Variants in RFTN1 observed in about 807,000 individuals in gnomAD.
The protein encoded by RFTN1 is raftlin, lipid raft linker 1.
In RFTN1, 26 loss-of-function variants were observed where a neutral mutation model predicts 46.5. That is an observed-to-expected ratio of 0.56 (90% CI 0.41 to 0.78). RFTN1 has a LOEUF of 0.78. Ranked by LOEUF, RFTN1 falls within the 30% of genes least tolerant of loss-of-function variation. RFTN1 has a pLI of 0.00. For synonymous variants in RFTN1, 261 were observed against 284.2 expected (o/e 0.92, Z 0.82); for missense variants, 693 against 718.7 (o/e 0.96, Z 0.41).
chr3:16,339,390 C>G (rs1280555832), intron 7 of RFTN1: 2 of 152,220 alleles, frequency 1.3e-5, no homozygotes, highest in Non-Finnish European at 2.9e-5. Context: ...TCTGAGGTGC[C>G]AGAAACCTCC....
rs768810884 is a variant in RFTN1, at chr3:16,385,214, C to T, written c.442-7112G>A. Among the ~76,000 whole-genome samples the T allele has an allele frequency of 2.6e-5, 4 of 152,178 alleles. No homozygotes were observed. The highest frequency in any genetic ancestry group is 5.9e-5 in the Non-Finnish European group (4 of 68,026). ...TACAGTGAATATTTTATCAGACACA[C>T]ACAACCCTTCCCATCTTGTCACCTA... is the stretch of plus-strand genomic sequence containing the variant. On this transcript the variant is annotated intron_variant, in intron 4 of 9. Coordinates refer to ENST00000334133, the MANE Select transcript of RFTN1 (RefSeq NM_015150.2). This position sits in a 1 kb window ranked among gnomAD's most constrained non-coding sequence, Gnocchi z 5.0.
Position 16,418,097 on chromosome 3 carries a change from C to G in RFTN1, c.333-8614G>C, listed in dbSNP as rs574138734. On this transcript the variant is annotated intron_variant, in intron 3 of 9. Transcript: ENST00000334133. The surrounding 1 kb of genome is among the most constrained non-coding windows in gnomAD (Gnocchi z 5.0). ...AGACATTAAAATAGCATTGTTGTAA[C>G]AAGTACTGCTAACACTTATGAGTGC... Among the ~76,000 whole-genome samples the G allele has an allele frequency of 6.6e-6, 1 of 152,318 alleles. No individual in the cohort carries two copies. Among genetic ancestry groups the G allele is most frequent in the East Asian group, 1.9e-4 (1 of 5,192 alleles).
chr3:16,339,487 C>T (rs999842001), intron 7 of RFTN1: 1 of 152,290 alleles, frequency 6.6e-6, no homozygotes, highest in African/African-American at 2.4e-5. Flanking sequence ...ACCTCCCATT[C>T]TATCTGGCTC....
intron 2 of RFTN1, among the ~76,000 whole-genome samples, chr3:16,453,143 G>C (rs2075848119): frequency 6.6e-6 from 1 of 152,196 alleles, no homozygotes; most frequent in East Asian, 1.9e-4. Flanking sequence ...CTCTGGACCA[G>C]AGAAGTTGAG....
At chr3:16,406,138 G>A (rs1057299066) in intron 4 of RFTN1, among the ~76,000 whole-genome samples, 2 of 152,218 alleles carry the variant, frequency 1.3e-5, no homozygotes, top group African/African-American at 4.8e-5. Flanking sequence ...TCAGCCATCA[G>A]TTGGAATAGC....
chr3:16,443,357 G>T lies in RFTN1; in HGVS notation c.146-9320C>A, dbSNP rs555680901. 1.5e-4 allele frequency among the ~76,000 whole-genome samples: 23 copies of T among 152,134 alleles called. No individual in the cohort carries two copies. Among genetic ancestry groups the T allele is most frequent in the African/African-American group, 4.8e-4 (20 of 41,506 alleles). On this transcript the variant is annotated intron_variant, in intron 2 of 9. Coordinates refer to ENST00000334133, the MANE Select transcript of RFTN1 (RefSeq NM_015150.2). This position sits in a 1 kb window ranked among gnomAD's most constrained non-coding sequence, Gnocchi z 5.5. ...AATAAGCATTCTTTCATATATGTGT[G>T]GGCCACTTTTATATCTCCTTGGGAG...
In RFTN1 at chr3:16,485,981, C is replaced by T. The variant is rs115724685; in HGVS notation, c.145+7744G>A. On this transcript the variant is annotated intron_variant, in intron 2 of 9. Coordinates refer to ENST00000334133, the MANE Select transcript of RFTN1 (RefSeq NM_015150.2). ...AGAAAAATACCTTCCTTTCAACTTT[C>T]GGGGCTACTTGAATCATCAAGTGAG... 8.2e-3 allele frequency among the ~76,000 whole-genome samples: 1,255 copies of T among 152,264 alleles called. 15 individuals carry two copies. The highest frequency in any genetic ancestry group is 0.028 in the African/African-American group (1,164 of 41,536).
At position 16,498,320 on chromosome 3, in the gene RFTN1, G is replaced by C. The variant is rs994387470; in HGVS notation, c.-8-4443C>G. On this transcript the variant is annotated intron_variant, in intron 1 of 9. Transcript: ENST00000334133. The surrounding 1 kb of genome is among the most constrained non-coding windows in gnomAD (Gnocchi z 5.2). ...CAGAATGCAGTCAATCACAGGCAGT[G>C]AATTAATGTAACCAAGCCAGCTGTC... is the stretch of plus-strand genomic sequence containing the variant. Among the ~76,000 whole-genome samples the C allele has an allele frequency of 6.6e-6, 1 of 152,174 alleles. No individual in the cohort carries two copies. Among genetic ancestry groups the C allele is most frequent in the Non-Finnish European group, 1.5e-5 (1 of 68,024 alleles).
rs1279504533 is a variant in RFTN1, at chr3:16,377,803, T to C, written c.741A>G (p.Gly247=). Residue 247 remains glycine, a synonymous_variant, in exon 5 of 10, where the codon GGA becomes GGG. Transcript: ENST00000334133. ...PSSPSGEGDG[G]ELSPQGVSKT... ...TGCTCACCCCCTGTGGTGAAAGTTCTCCACCATCTCCCTCTCCGGAGGGTG... is the reference window on the plus strand; with the variant it reads ...TGCTCACCCCCTGTGGTGAAAGTTCCCCACCATCTCCCTCTCCGGAGGGTG... The C allele has an allele frequency of 1.9e-6, 3 of 1,614,216 alleles. No homozygotes were observed. Among genetic ancestry groups the C allele is most frequent in the Non-Finnish European group, 2.5e-6 (3 of 1,180,028 alleles).
In RFTN1 at chr3:16,475,660, A is replaced by G. The variant is rs759546614; in HGVS notation, c.145+18065T>C. 6.6e-6 allele frequency among the ~76,000 whole-genome samples: 1 copy of G among 152,172 alleles called. No homozygotes were observed. Among genetic ancestry groups the G allele is most frequent in the Non-Finnish European group, 1.5e-5 (1 of 68,028 alleles). On this transcript the variant is annotated intron_variant, in intron 2 of 9. Transcript: ENST00000334133. This position sits in a 1 kb window ranked among gnomAD's most constrained non-coding sequence, Gnocchi z 4.2. ...CTTCCATGTCCAAGAGTAAAAATCA[A>G]TGGAAAACTAAAGCAACTAACAGAC...
At chr3:16,375,755 C>G (rs2073744593) in intron 5 of RFTN1, among the ~76,000 whole-genome samples, 1 of 152,186 alleles carries the variant, frequency 6.6e-6, no homozygotes, top group Non-Finnish European at 1.5e-5. Flanking sequence ...CCGTGCAGAG[C>G]TGAAATTCTC....
At chr3:16,324,005 G>A (rs2069385771) in intron 8 of RFTN1, among the ~76,000 whole-genome samples, 1 of 152,196 alleles carries the variant, frequency 6.6e-6, no homozygotes, top group Non-Finnish European at 1.5e-5. Context: ...GCGAGGGAGG[G>A]GCGACTCGTA....
rs2076798802 is a variant in RFTN1 at position 16,506,004 on chromosome 3, T to G, written c.-9+7438A>C. Among the ~76,000 whole-genome samples, 1 of 152,134 alleles carries G rather than the reference T, an allele frequency of 6.6e-6. No individual in the cohort carries two copies. The highest frequency in any genetic ancestry group is 1.5e-5 in the Non-Finnish European group (1 of 68,032). On this transcript the variant is annotated intron_variant, in intron 1 of 9. Coordinates refer to ENST00000334133, the MANE Select transcript of RFTN1 (RefSeq NM_015150.2). This position sits in a 1 kb window ranked among gnomAD's most constrained non-coding sequence, Gnocchi z 4.8. Reference sequence around the variant, plus strand: ...CACGCCTGCCCTCATGGACCTTACCTTCAGAAGCCGAGAAACAGGCAATAG... The same window carrying G: ...CACGCCTGCCCTCATGGACCTTACCGTCAGAAGCCGAGAAACAGGCAATAG...
rs2075793765 is a variant in RFTN1, at chr3:16,449,773, A to T, written c.146-15736T>A. On this transcript the variant is annotated intron_variant, in intron 2 of 9. Coordinates refer to ENST00000334133, the MANE Select transcript of RFTN1 (RefSeq NM_015150.2). The surrounding 1 kb of genome is among the most constrained non-coding windows in gnomAD (Gnocchi z 5.1). ...CAGAAAAATCAACGAGACAAAAGCC[A>T]TGCTGACAGACTGCTGCCTCTGATT... Among the ~76,000 whole-genome samples the T allele has an allele frequency of 6.6e-6, 1 of 152,238 alleles. No individual in the cohort carries two copies. Among genetic ancestry groups the T allele is most frequent in the Non-Finnish European group, 1.5e-5 (1 of 68,044 alleles).
rs1178394091 is a variant in RFTN1, at chr3:16,341,745, T to A, written c.1147-14869A>T. Among the ~76,000 whole-genome samples the A allele has an allele frequency of 2.0e-5, 3 of 152,214 alleles. No individual in the cohort carries two copies. Among genetic ancestry groups the A allele is most frequent in the Non-Finnish European group, 4.4e-5 (3 of 68,026 alleles). On this transcript the variant is annotated intron_variant, in intron 7 of 9. Transcript: ENST00000334133. This position sits in a 1 kb window ranked among gnomAD's most constrained non-coding sequence, Gnocchi z 4.7. ...AACTAATTAAATAAATTAAAATTTT[T>A]CATAGATTGAAGTACTCTATGGCCA... is the stretch of plus-strand genomic sequence containing the variant.
At position 16,337,984 on chromosome 3, in the gene RFTN1, T is replaced by G. The variant is rs184375847; in HGVS notation, c.1147-11108A>C. On this transcript the variant is annotated intron_variant, in intron 7 of 9. Transcript: ENST00000334133. The surrounding 1 kb of genome is among the most constrained non-coding windows in gnomAD (Gnocchi z 5.0). ...ACCAGCTTGCCCTGGAAGAGAGAGA[T>G]AAAAACCCACACTGGGTAGATCGTC... Among the ~76,000 whole-genome samples the G allele has an allele frequency of 1.6e-3, 242 of 152,144 alleles. No individual in the cohort carries two copies. The highest frequency in any genetic ancestry group is 4.2e-3 in the African/African-American group (173 of 41,520).
chr3:16,317,955 C>T lies in RFTN1; in HGVS notation c.1333-723G>A, dbSNP rs1316981307. 1.3e-5 allele frequency among the ~76,000 whole-genome samples: 2 copies of T among 152,208 alleles called. No homozygotes were observed. The highest frequency in any genetic ancestry group is 2.9e-5 in the Non-Finnish European group (2 of 68,042). ...CTGCATCACAGCCCAAATTCTCCCTCTGCCCGCTACTGTACCGACAAGTGT... is the reference window on the plus strand; with the variant it reads ...CTGCATCACAGCCCAAATTCTCCCTTTGCCCGCTACTGTACCGACAAGTGT... On this transcript the variant is annotated intron_variant, in intron 9 of 9. Coordinates refer to ENST00000334133, the MANE Select transcript of RFTN1 (RefSeq NM_015150.2). This position sits in a 1 kb window ranked among gnomAD's most constrained non-coding sequence, Gnocchi z 4.3.
In RFTN1 at chr3:16,509,417, G is replaced by T. The variant is rs975733193; in HGVS notation, c.-9+4025C>A. ...CGTGAACTTAGGGAAAGTTAACCTT[G>T]CAAGCTTCAATTTCCTCAGGGCTGA... On this transcript the variant is annotated intron_variant, in intron 1 of 9. Transcript: ENST00000334133. This position sits in a 1 kb window ranked among gnomAD's most constrained non-coding sequence, Gnocchi z 4.9. Among the ~76,000 whole-genome samples the T allele has an allele frequency of 1.3e-5, 2 of 152,146 alleles. No individual in the cohort carries two copies. The highest frequency in any genetic ancestry group is 4.8e-5 in the African/African-American group (2 of 41,410).
In RFTN1 at chr3:16,321,057, A is replaced by C. The variant is rs541390890; in HGVS notation, c.1332+2319T>G. On this transcript the variant is annotated intron_variant, in intron 9 of 9. Coordinates refer to ENST00000334133, the MANE Select transcript of RFTN1 (RefSeq NM_015150.2). This position sits in a 1 kb window ranked among gnomAD's most constrained non-coding sequence, Gnocchi z 4.8. ...CCGGGACCTAACACAGATGGGTCTT[A>C]AGGATAGATTGAATATAGGGGAAGG... 4.1e-4 allele frequency among the ~76,000 whole-genome samples: 61 copies of C among 149,652 alleles called. No individual in the cohort carries two copies. Among genetic ancestry groups the C allele is most frequent in the Middle Eastern group, 3.5e-3 (1 of 286 alleles).
Sources: gnomAD v4.1 joint callset for allele counts (sites outside exome capture counted in the v4.1 genomes callset) on GRCh38, gnomAD v4.1.1 for gene constraint, Gnocchi (gnomAD v3.1) non-coding constraint, MANE v1.5 for transcripts, NCBI Gene and HGNC (gene_info 2026-07-23, HGNC 2026-07-21) for gene names.